PARD3B: variants seen among roughly 807,000 people sequenced by gnomAD.
The protein encoded by PARD3B is partitioning defective 3 homolog B.
A neutral mutation model predicts 130.2 loss-of-function variants in PARD3B; 103 were observed. The ratio of observed to expected loss-of-function variants is 0.79; its 90% CI spans 0.67 to 0.93. The LOEUF is 0.93. Among genes scored for constraint, PARD3B ranks in the 40% least tolerant of loss-of-function variants. PARD3B has a pLI of 0.00. For synonymous variants in PARD3B, 583 were observed against 553.2 expected (o/e 1.05, Z -0.76); for missense variants, 1,609 against 1,499.2 (o/e 1.07, Z -1.21).
chr2:205,255,719 C>T (rs1419977755), intron 16 of PARD3B, among the ~76,000 whole-genome samples: 1 of 152,082 alleles, frequency 6.6e-6, no homozygotes, highest in African/African-American at 2.4e-5. Context: ...GCAAAGGATA[C>T]ACATGAAGGG....
At position 205,229,771 on chromosome 2, in the gene PARD3B, G is replaced by A. The variant is rs1366625668; in HGVS notation, c.2141-16007G>A. Among the ~76,000 whole-genome samples, 11 of 152,002 alleles carry A rather than the reference G, an allele frequency of 7.2e-5. No homozygotes were observed. Among genetic ancestry groups the A allele is most frequent in the African/African-American group, 2.4e-5 (1 of 41,384 alleles). ...AGGACAGCAAGGTCCCCCTGGCCTC[G>A]AGTGAGTCCACAGATGCCGTCCAGG... is the stretch of plus-strand genomic sequence containing the variant. On this transcript the variant is annotated intron_variant, in intron 15 of 22. Coordinates refer to ENST00000406610, the MANE Select transcript of PARD3B (RefSeq NM_001302769.2). The surrounding 1 kb of genome is among the most constrained non-coding windows in gnomAD (Gnocchi z 5.2).
intron 20 of PARD3B, among the ~76,000 whole-genome samples, chr2:205,486,630 G>C (rs558285502): frequency 6.6e-6 from 1 of 152,246 alleles, no homozygotes; most frequent in East Asian, 1.9e-4. Context: ...TATGCGTCTG[G>C]AGCAGGAGGA....
intron 1 of PARD3B, among the ~76,000 whole-genome samples, chr2:204,631,531 G>C (rs1478529219): frequency 2.0e-5 from 3 of 152,186 alleles, no homozygotes; most frequent in Non-Finnish European, 2.9e-5. Context: ...ACAGGCATGA[G>C]CCACTGTGCC....
chr2:205,110,740 G>A (rs183759941), intron 5 of PARD3B, among the ~76,000 whole-genome samples: 39 of 149,112 alleles, frequency 2.6e-4, no homozygotes, highest in African/African-American at 9.6e-4. Context: ...CAACCTTCTA[G>A]CTTATTTTCT....
At chr2:205,273,915 G>A (rs948066164) in intron 16 of PARD3B, among the ~76,000 whole-genome samples, 1 of 152,100 alleles carries the variant, frequency 6.6e-6, no homozygotes, top group Non-Finnish European at 1.5e-5. Flanking sequence ...TCTGTGGTGG[G>A]GGTGAGGGTC....
At chr2:204,657,383 G>A (rs2035673736) in intron 1 of PARD3B, among the ~76,000 whole-genome samples, 1 of 152,134 alleles carries the variant, frequency 6.6e-6, no homozygotes, top group East Asian at 1.9e-4. Flanking sequence ...TTGTGTACCT[G>A]TGGTCCCAGC....
At chr2:205,526,293 A>ACAGTTGAG (rs2051333929) in intron 21 of PARD3B, among the ~76,000 whole-genome samples, 1 of 152,178 alleles carries the variant, frequency 6.6e-6, no homozygotes, top group African/African-American at 2.4e-5. Flanking sequence ...CAGCTATCAC[A>ACAGTTGAG]GGTCTGGCCC....
chr2:204,941,044 T>TA (rs1244196352), intron 2 of PARD3B, among the ~76,000 whole-genome samples: 1 of 152,186 alleles, frequency 6.6e-6, no homozygotes, highest in African/African-American at 2.4e-5. Flanking sequence ...GTGGGAGAGT[T>TA]AAAAAACTAA....
chr2:205,245,877 G>A, intron 16 of PARD3B, 55 bp downstream of exon 16: 1 of 1,450,430 alleles, frequency 6.9e-7, no homozygotes, highest in Non-Finnish European at 9.7e-7. Context: ...CACTGGCTGT[G>A]TTTTAGTAGC....
chr2:205,480,927 C>G (rs2049210821), intron 20 of PARD3B, among the ~76,000 whole-genome samples: 2 of 152,072 alleles, frequency 1.3e-5, no homozygotes, highest in Admixed American at 6.5e-5. Flanking sequence ...AACGTGGAGG[C>G]AGAGTGTTTT....
intron 2 of PARD3B, among the ~76,000 whole-genome samples, chr2:204,954,840 A>G (rs1690098552): frequency 6.6e-6 from 1 of 152,230 alleles, no homozygotes. Flanking sequence ...TTAATGATAT[A>G]GTAAGATACT....
intron 2 of PARD3B, among the ~76,000 whole-genome samples, chr2:204,918,603 C>T (rs1348300500): frequency 6.9e-6 from 1 of 145,416 alleles, no homozygotes; most frequent in African/African-American, 2.6e-5. Context: ...GCACTCCAGC[C>T]TGGGCGACAG....
chr2:205,327,356 T>G (rs189223893), intron 18 of PARD3B, among the ~76,000 whole-genome samples: 1 of 152,344 alleles, frequency 6.6e-6, no homozygotes, highest in East Asian at 1.9e-4. Flanking sequence ...GTGCTGGTCT[T>G]TGGTACATTA....
intron 5 of PARD3B, among the ~76,000 whole-genome samples, chr2:205,111,793 A>G (rs1448651826): frequency 1.3e-5 from 2 of 152,102 alleles, no homozygotes; most frequent in East Asian, 3.8e-4. Flanking sequence ...AGGTAAGGGT[A>G]ATAATTTTCA....
chr2:205,553,051 G>A (rs13431022), intron 21 of PARD3B, among the ~76,000 whole-genome samples: 350 of 152,016 alleles, frequency 2.3e-3, no homozygotes, highest in African/African-American at 8.1e-3. Context: ...GAAGAAAATA[G>A]TCTAGCATCC....
At chr2:204,676,644 C>T (rs114818260) in intron 1 of PARD3B, among the ~76,000 whole-genome samples, 3,146 of 149,166 alleles carry the variant, frequency 0.021, 56 homozygotes, top group Non-Finnish European at 0.031. Flanking sequence ...TTTTACCATA[C>T]ATCCCATTCT....
In PARD3B at chr2:204,675,103, C is replaced by G. The variant is rs1050895785; in HGVS notation, c.121-11078C>G. Reference sequence around the variant, plus strand: ...CACAAGTTTCTAAAACCTTGGCATCCAGGGCTTTGGACTATAAAATTTCAT... The same window carrying G: ...CACAAGTTTCTAAAACCTTGGCATCGAGGGCTTTGGACTATAAAATTTCAT... On this transcript the variant is annotated intron_variant, in intron 1 of 22. Transcript: ENST00000406610. This position sits in a 1 kb window ranked among gnomAD's most constrained non-coding sequence, Gnocchi z 4.4. Among the ~76,000 whole-genome samples the G allele has an allele frequency of 1.3e-5, 2 of 152,004 alleles. No homozygotes were observed. The highest frequency in any genetic ancestry group is 4.1e-4 in the South Asian group (2 of 4,824).
chr2:205,440,744 G>A lies in PARD3B; in HGVS notation c.3044+72G>A, dbSNP rs1263711255. On this transcript the variant is annotated intron_variant, in intron 20 of 22. Transcript: ENST00000406610. This position sits in a 1 kb window ranked among gnomAD's most constrained non-coding sequence, Gnocchi z 4.2. ...TCAAATCATCTCTACTGCTGAAACC[G>A]ATAAAAAATGTCTCCTTCAATCAAT... 49 of 1,426,286 alleles carry A rather than the reference G, an allele frequency of 3.4e-5. No individual in the cohort carries two copies. The highest frequency in any genetic ancestry group is 1.2e-4 in the Admixed American group (6 of 49,724). 88.4% of individuals were successfully genotyped at this position (1,426,286 alleles called of 1,614,324 possible). A position where few individuals can be genotyped will look rare whatever the true frequency, so the allele number is the denominator to read the frequency against.
In PARD3B at chr2:205,495,716, T is replaced by C. The variant is rs141380421; in HGVS notation, c.3045-4180T>C. On this transcript the variant is annotated intron_variant, in intron 20 of 22. Transcript: ENST00000406610. Reference sequence around the variant, plus strand: ...GTATCTTGCTAGAGGACCCAGTCTCTAAAACATAAAATGAGATGAAGGAAG... The same window carrying C: ...GTATCTTGCTAGAGGACCCAGTCTCCAAAACATAAAATGAGATGAAGGAAG... Among the ~76,000 whole-genome samples the C allele has an allele frequency of 2.2e-3, 338 of 152,270 alleles. 4 individuals are homozygous for C. Among genetic ancestry groups the C allele is most frequent in the African/African-American group, 7.5e-3 (311 of 41,552 alleles).
Sources: gnomAD v4.1 joint callset for allele counts (sites outside exome capture counted in the v4.1 genomes callset) on GRCh38, gnomAD v4.1.1 for gene constraint, Gnocchi (gnomAD v3.1) non-coding constraint, MANE v1.5 for transcripts, NCBI Gene and HGNC (gene_info 2026-07-23, HGNC 2026-07-21) for gene names.